CTNNA2: variants seen among roughly 807,000 people sequenced by gnomAD.
The protein encoded by CTNNA2 is catenin alpha 2.
In CTNNA2, 42 loss-of-function variants were observed where a neutral mutation model predicts 101.0. The observed-to-expected ratio is 0.42, with a 90% CI of 0.32 to 0.54. The LOEUF (loss-of-function observed/expected upper bound fraction) is 0.54, where lower values mean the gene tolerates loss of function less well. Ranked by LOEUF, CTNNA2 falls within the 20% of genes least tolerant of loss-of-function variation. CTNNA2 has a pLI of 0.14. For missense variants in CTNNA2, 871 were observed against 1,223.1 expected, an observed-to-expected ratio of 0.71 and a Z score of 4.29; for synonymous variants, 450 against 456.4, an observed-to-expected ratio of 0.99 and a Z score of 0.18.
At chr2:79,918,932 T>C (rs1686457715) in intron 7 of CTNNA2, among the ~76,000 whole-genome samples, 1 of 152,164 alleles carries the variant, frequency 6.6e-6, no homozygotes, top group East Asian at 1.9e-4. Context: ...GATTATAAAA[T>C]ATTTCAAAGA....
chr2:80,198,771 G>A (rs1027682644), intron 7 of CTNNA2, among the ~76,000 whole-genome samples: 2 of 152,162 alleles, frequency 1.3e-5, no homozygotes, highest in African/African-American at 4.8e-5. Context: ...ATATTCATGA[G>A]GCTTATTGCC....
intron 3 of CTNNA2, among the ~76,000 whole-genome samples, chr2:79,322,403 C>G (rs1676647199): frequency 6.6e-6 from 1 of 152,136 alleles, no homozygotes; most frequent in Non-Finnish European, 1.5e-5. Context: ...TATATATATG[C>G]TATTAGCAAG....
chr2:80,070,166 T>A (rs1033616649), intron 7 of CTNNA2, among the ~76,000 whole-genome samples: 1 of 152,160 alleles, frequency 6.6e-6, no homozygotes, highest in African/African-American at 2.4e-5. Context: ...TGATTCTAAT[T>A]TGATCTAACT....
At chr2:80,238,081 G>A (rs12987424) in intron 7 of CTNNA2, among the ~76,000 whole-genome samples, 4 of 152,126 alleles carry the variant, frequency 2.6e-5, no homozygotes, top group African/African-American at 9.7e-5. Flanking sequence ...CTCATCTAGA[G>A]GAAGGAACTG....
intron 7 of CTNNA2, among the ~76,000 whole-genome samples, chr2:80,355,011 G>A (rs902842225): frequency 1.3e-5 from 2 of 152,094 alleles, no homozygotes; most frequent in African/African-American, 2.4e-5. Context: ...TTATTTTTCT[G>A]CCTCCCAATG....
intron 1 of CTNNA2, among the ~76,000 whole-genome samples, chr2:79,520,744 A>G (rs1456284388): frequency 6.6e-6 from 1 of 152,124 alleles, no homozygotes; most frequent in Non-Finnish European, 1.5e-5. Flanking sequence ...TCTATAATTC[A>G]CCGAAATAAT....
intron 7 of CTNNA2, among the ~76,000 whole-genome samples, chr2:80,164,203 T>G (rs1704516164): frequency 6.8e-6 from 1 of 146,958 alleles, no homozygotes; most frequent in East Asian, 1.9e-4. Flanking sequence ...TTTTGTTTTC[T>G]GTTTGTTTTC....
intron 7 of CTNNA2, among the ~76,000 whole-genome samples, chr2:80,274,683 C>T (rs116887277): frequency 6.6e-6 from 1 of 152,174 alleles, no homozygotes; most frequent in Non-Finnish European, 1.5e-5. Context: ...TTCCTTCTGT[C>T]CTTTCTACAG....
intron 7 of CTNNA2, among the ~76,000 whole-genome samples, chr2:80,233,138 A>G (rs1008358751): frequency 3.2e-4 from 49 of 152,158 alleles, no homozygotes; most frequent in African/African-American, 1.1e-3. Flanking sequence ...AACCTGGGTA[A>G]TGGTAACTGT....
intron 7 of CTNNA2, among the ~76,000 whole-genome samples, chr2:80,157,756 G>A (rs1254835574): frequency 6.6e-6 from 1 of 151,986 alleles, no homozygotes; most frequent in Non-Finnish European, 1.5e-5. Flanking sequence ...TCTGTGACAT[G>A]TGCTATCCCT....
intron 3 of CTNNA2, among the ~76,000 whole-genome samples, chr2:79,831,947 C>T (rs1163804427): frequency 6.6e-6 from 1 of 151,946 alleles, no homozygotes; most frequent in African/African-American, 2.4e-5. Flanking sequence ...TGAACATTTC[C>T]AGTTTTCTTT....
At chr2:80,480,136 G>T (rs1686038093) in intron 9 of CTNNA2, among the ~76,000 whole-genome samples, 1 of 151,844 alleles carries the variant, frequency 6.6e-6, no homozygotes, top group African/African-American at 2.4e-5. Flanking sequence ...CCCATTATTT[G>T]CATGTTAATA....
At chr2:80,313,846 G>A (rs1677843322) in intron 7 of CTNNA2, among the ~76,000 whole-genome samples, 1 of 152,210 alleles carries the variant, frequency 6.6e-6, no homozygotes, top group Admixed American at 6.5e-5. Flanking sequence ...CTTCCCAAAT[G>A]AGATACTATG....
At chr2:79,649,277 G>A (rs911200451) in intron 1 of CTNNA2, 12 of 154,688 alleles carry the variant, frequency 7.8e-5, no homozygotes, top group African/African-American at 2.9e-4. Context: ...GCATGCCCAT[G>A]TTATAATGGA....
At chr2:80,174,175 C>T (rs550260157) in intron 7 of CTNNA2, among the ~76,000 whole-genome samples, 5 of 152,186 alleles carry the variant, frequency 3.3e-5, no homozygotes, top group Non-Finnish European at 5.9e-5. Context: ...ATGCCTTATC[C>T]GATAGATAAG....
intron 7 of CTNNA2, among the ~76,000 whole-genome samples, chr2:80,088,705 C>A (rs1699595878): frequency 6.6e-6 from 1 of 151,800 alleles, no homozygotes; most frequent in Non-Finnish European, 1.5e-5. Flanking sequence ...GGTATTTGTT[C>A]ACTTATGGGA....
At chr2:80,427,950 A>G (rs1681141033) in intron 9 of CTNNA2, among the ~76,000 whole-genome samples, 1 of 152,246 alleles carries the variant, frequency 6.6e-6, no homozygotes, top group African/African-American at 2.4e-5. Context: ...AGTGTATACT[A>G]TGTAAGGCAG....
chr2:79,597,411 G>A (rs897973367), intron 1 of CTNNA2, among the ~76,000 whole-genome samples: 2 of 150,596 alleles, frequency 1.3e-5, no homozygotes, highest in Non-Finnish European at 2.9e-5. Context: ...GGCGGAGCTT[G>A]CAGTGAGTCG....
intron 4 of CTNNA2, among the ~76,000 whole-genome samples, chr2:79,411,477 G>A (rs1030950541): frequency 6.6e-6 from 1 of 152,060 alleles, no homozygotes; most frequent in Admixed American, 6.6e-5. Flanking sequence ...AGGAAAAAAT[G>A]TTAAGGGCAG....
Sources: gnomAD v4.1 joint callset for allele counts (sites outside exome capture counted in the v4.1 genomes callset) on GRCh38, gnomAD v4.1.1 for gene constraint, MANE v1.5 for transcripts, NCBI Gene and HGNC (gene_info 2026-07-23, HGNC 2026-07-21) for gene names.